ANAPC10: variants seen among roughly 807,000 people sequenced by gnomAD.
The protein encoded by ANAPC10 is anaphase-promoting complex subunit 10.
ANAPC10 carries 12 observed loss-of-function variants against 22.0 expected under a neutral mutation model. The observed-to-expected ratio is 0.55, with a 90% CI of 0.35 to 0.88. The LOEUF is 0.88. Among genes scored for constraint, ANAPC10 ranks in the 40% least tolerant of loss-of-function variants. ANAPC10 has a pLI of 0.01. For synonymous variants in ANAPC10, 65 were observed against 69.5 expected, an observed-to-expected ratio of 0.94 and a Z score of 0.32; for missense variants, 188 against 220.9, an observed-to-expected ratio of 0.85 and a Z score of 0.94.
chr4:145,044,811 A>T (rs1740052868), intron 4 of ANAPC10, among the ~76,000 whole-genome samples: 1 of 152,054 alleles, frequency 6.6e-6, no homozygotes, highest in Non-Finnish European at 1.5e-5. Flanking sequence ...TTAATAACAC[A>T]CTATAATTAT....
chr4:145,077,384 C>T (rs1745347073), intron 3 of ANAPC10, among the ~76,000 whole-genome samples: 1 of 152,032 alleles, frequency 6.6e-6, no homozygotes, highest in South Asian at 2.1e-4. Context: ...ATGAAAATTT[C>T]CCCGATCTCG....
intron 3 of ANAPC10, among the ~76,000 whole-genome samples, chr4:145,068,895 C>A (rs552017169): frequency 1.3e-5 from 2 of 152,134 alleles, no homozygotes; most frequent in South Asian, 2.1e-4. Context: ...GGTGACAGAG[C>A]GAAACTCCAT....
chr4:145,066,345 C>A (rs1424044332), intron 3 of ANAPC10, among the ~76,000 whole-genome samples: 2 of 152,032 alleles, frequency 1.3e-5, no homozygotes, highest in Non-Finnish European at 2.9e-5. Flanking sequence ...TCTGCTGAGC[C>A]AGAAAGGAGA....
intron 4 of ANAPC10, among the ~76,000 whole-genome samples, chr4:145,040,567 C>T (rs1395524944): frequency 6.6e-6 from 1 of 152,180 alleles, no homozygotes; most frequent in Non-Finnish European, 1.5e-5. Flanking sequence ...TTGCAATCAT[C>T]CCAACATCAT....
intron 4 of ANAPC10, among the ~76,000 whole-genome samples, chr4:145,029,173 G>GT (rs1332967744): frequency 6.6e-6 from 1 of 152,072 alleles, no homozygotes; most frequent in East Asian, 1.9e-4. Flanking sequence ...CTCTGATGAG[G>GT]TTTTTTGCCA....
At chr4:145,033,432 G>A (rs1253057266) in intron 4 of ANAPC10, 3 of 152,202 alleles carry the variant, frequency 2.0e-5, no homozygotes, top group African/African-American at 7.2e-5. Context: ...GTACACTTTG[G>A]GCTCCTCTTA....
intron 2 of ANAPC10, among the ~76,000 whole-genome samples, chr4:145,094,786 A>T (rs1416181785): frequency 6.6e-6 from 1 of 152,114 alleles, no homozygotes; most frequent in East Asian, 1.9e-4. Context: ...CCAGAAAAAA[A>T]CAAGTTACTT....
At chr4:145,032,216 T>TG (rs1737695363) in intron 4 of ANAPC10, among the ~76,000 whole-genome samples, 1 of 152,194 alleles carries the variant, frequency 6.6e-6, no homozygotes, top group Admixed American at 6.5e-5. Context: ...TACAGCCCCT[T>TG]TCTAGGACAT....
rs1353005943 is a variant in ANAPC10, at chr4:145,054,640, T to TGTGTGC, written c.327+9931_327+9932insGCACAC. Among the ~76,000 whole-genome samples the TGTGTGC allele has an allele frequency of 2.3e-3, 207 of 90,296 alleles. 1 individual carries two copies. The highest frequency in any genetic ancestry group is 6.1e-3 in the African/African-American group (154 of 25,134). The allele number at this position is 90,296 out of a possible 152,430, so 59.2% of individuals were successfully genotyped here. ...GTGTGTGTGTGTGTGTGTGTGTGTGTGCGCGCGCGCGCGCGTGCGTGCAGC... is the reference window on the plus strand; with the variant it reads ...GTGTGTGTGTGTGTGTGTGTGTGTGTGTGTGCGCGCGCGCGCGCGCGTGCGTGCAGC... On this transcript the variant is annotated intron_variant, in intron 4 of 4. Coordinates refer to ENST00000507656, the MANE Select transcript of ANAPC10 (RefSeq NM_001256706.2).
intron 4 of ANAPC10, among the ~76,000 whole-genome samples, chr4:145,060,576 T>TG (rs1340611321): frequency 6.6e-6 from 1 of 150,960 alleles, no homozygotes; most frequent in African/African-American, 2.5e-5. Flanking sequence ...TAATTTCTAG[T>TG]GAAAAAAAAA....
At chr4:145,003,138 A>G (rs949113350) in intron 4 of ANAPC10, among the ~76,000 whole-genome samples, 5 of 152,096 alleles carry the variant, frequency 3.3e-5, no homozygotes, top group African/African-American at 1.2e-4. Flanking sequence ...TTCCTGTGTC[A>G]GTTTGCTTAG....
chr4:145,097,563 C>T, intron 1 of ANAPC10: 1 of 1,285,376 alleles, frequency 7.8e-7, no homozygotes, highest in Non-Finnish European at 1.0e-6. Flanking sequence ...TTGATACTTA[C>T]TAAATAACGG....
chr4:145,019,380 T>C (rs991561673), intron 4 of ANAPC10, among the ~76,000 whole-genome samples: 1 of 152,132 alleles, frequency 6.6e-6, no homozygotes, highest in Non-Finnish European at 1.5e-5. Context: ...TGATGGAAAT[T>C]ATAAAATGTT....
At chr4:145,028,166 G>A (rs181789450) in intron 4 of ANAPC10, among the ~76,000 whole-genome samples, 72 of 152,332 alleles carry the variant, frequency 4.7e-4, no homozygotes, top group Admixed American at 2.3e-3. Flanking sequence ...GCCTGTGTGT[G>A]TGTTGCCAAA....
chr4:145,057,307 TA>T (rs1742205488), intron 4 of ANAPC10, among the ~76,000 whole-genome samples: 1 of 152,230 alleles, frequency 6.6e-6, no homozygotes, highest in Non-Finnish European at 1.5e-5. Context: ...TAAATTACAT[TA>T]AGTAAACTGC....
At chr4:145,059,102 C>G (rs1158011649) in intron 4 of ANAPC10, among the ~76,000 whole-genome samples, 1 of 152,094 alleles carries the variant, frequency 6.6e-6, no homozygotes, top group African/African-American at 2.4e-5. Flanking sequence ...CTAAGCCATT[C>G]CACTTTATAT....
At chr4:145,006,415 T>C (rs1325773307) in intron 4 of ANAPC10, among the ~76,000 whole-genome samples, 1 of 151,906 alleles carries the variant, frequency 6.6e-6, no homozygotes, top group East Asian at 1.9e-4. Flanking sequence ...CCTGAATACA[T>C]GTCTTCAAAT....
chr4:145,067,272 C>G (rs1322853217), intron 3 of ANAPC10, among the ~76,000 whole-genome samples: 1 of 152,060 alleles, frequency 6.6e-6, no homozygotes, highest in Non-Finnish European at 1.5e-5. Flanking sequence ...TCAAACTGCT[C>G]AAAACCATCA....
chr4:145,007,779 G>C (rs759998955), intron 4 of ANAPC10, among the ~76,000 whole-genome samples: 2 of 151,078 alleles, frequency 1.3e-5, no homozygotes, highest in Non-Finnish European at 2.9e-5. Context: ...AGAGAAGCAA[G>C]AGCAAACAAA....
Sources: allele counts gnomAD v4.1 joint callset (sites outside exome capture counted in the v4.1 genomes callset), GRCh38; gene constraint gnomAD v4.1.1; transcripts MANE v1.5; gene names NCBI Gene and HGNC (gene_info 2026-07-23, HGNC 2026-07-21).